The following MTX2 variants were observed in gnomAD, a reference collection of about 807,000 sequenced individuals.
MTX2 encodes metaxin 2, also known as metaxin-2.
A neutral mutation model predicts 42.3 loss-of-function variants in MTX2; 35 were observed. The ratio of observed to expected loss-of-function variants is 0.83; its 90% CI spans 0.63 to 1.10. The LOEUF (loss-of-function observed/expected upper bound fraction) is 1.10, where lower values mean the gene tolerates loss of function less well. MTX2 is among the 50% of genes least tolerant of loss of function. The probability of loss-of-function intolerance (pLI) is 0.00; values close to 1 mark genes in which losing one functional copy is unlikely to be tolerated. For synonymous variants in MTX2, 119 were observed against 100.9 expected, an observed-to-expected ratio of 1.18 and a Z score of -1.08; for missense variants, 307 against 304.1, an observed-to-expected ratio of 1.01 and a Z score of -0.07.
At chr2:176,322,272 T>A (rs1219302792) in intron 3 of MTX2, among the ~76,000 whole-genome samples, 2 of 152,150 alleles carry the variant, frequency 1.3e-5, no homozygotes. Flanking sequence ...TAACACTTAT[T>A]TCTAATGTAG....
chr2:176,272,372 T>C (rs537320755), intron 1 of MTX2, among the ~76,000 whole-genome samples: 9 of 152,310 alleles, frequency 5.9e-5, no homozygotes, highest in African/African-American at 2.2e-4. Flanking sequence ...CAGTTAATAA[T>C]AATGTATTAT....
intron 1 of MTX2, among the ~76,000 whole-genome samples, chr2:176,280,572 A>G (rs1347801035): frequency 6.6e-6 from 1 of 152,152 alleles, no homozygotes; most frequent in Non-Finnish European, 1.5e-5. Flanking sequence ...ATCCACACAC[A>G]TTTGTGTCTT....
At chr2:176,334,972 G>C (rs1684952718) in intron 9 of MTX2, among the ~76,000 whole-genome samples, 1 of 151,834 alleles carries the variant, frequency 6.6e-6, no homozygotes, top group South Asian at 2.1e-4. Context: ...CTAGGTATTG[G>C]GGTTACAGCA....
At chr2:176,337,449 A>C (rs756614460) in intron 9 of MTX2, 44 bp from the exon 10 acceptor site, 1 of 1,486,900 alleles carries the variant, frequency 6.7e-7, no homozygotes, top group Non-Finnish European at 9.1e-7. Flanking sequence ...CTATTGTAAA[A>C]GTTAAATGCT....
intron 1 of MTX2, among the ~76,000 whole-genome samples, chr2:176,272,378 A>G (rs1692837344): frequency 6.6e-6 from 1 of 152,176 alleles, no homozygotes; most frequent in South Asian, 2.1e-4. Flanking sequence ...ATAATAATGT[A>G]TTATATATTT....
At chr2:176,322,858 A>G (rs1445253176) in intron 3 of MTX2, among the ~76,000 whole-genome samples, 1 of 151,892 alleles carries the variant, frequency 6.6e-6, no homozygotes, top group African/African-American at 2.4e-5. Flanking sequence ...ACTATGAGCA[A>G]AGATAAACAA....
intron 3 of MTX2, among the ~76,000 whole-genome samples, chr2:176,319,175 T>A (rs886410504): frequency 6.6e-6 from 1 of 152,234 alleles, no homozygotes; most frequent in Non-Finnish European, 1.5e-5. Flanking sequence ...TACATTTTTC[T>A]TTGACTTCCA....
At chr2:176,318,325 A>G (rs968651122) in intron 3 of MTX2, among the ~76,000 whole-genome samples, 17 of 152,052 alleles carry the variant, frequency 1.1e-4, no homozygotes, top group African/African-American at 3.4e-4. Flanking sequence ...TTTTGATGTT[A>G]TGAATTCAAT....
intron 3 of MTX2, among the ~76,000 whole-genome samples, chr2:176,300,541 G>C (rs1300388701): frequency 6.6e-6 from 1 of 152,068 alleles, no homozygotes; most frequent in Non-Finnish European, 1.5e-5. Context: ...CTAGTCTCGT[G>C]TAGCTAGTGG....
intron 3 of MTX2, among the ~76,000 whole-genome samples, chr2:176,315,891 C>G (rs1684423479): frequency 6.6e-6 from 1 of 152,136 alleles, no homozygotes; most frequent in Non-Finnish European, 1.5e-5. Flanking sequence ...TTAGTGAGGC[C>G]TTATCTGACT....
Position 176,337,722 on chromosome 2 carries a change from C to A in MTX2, c.*58C>A. ...TGAAATATGTTTTACTTGAATGTTA[C>A]ATTAGATATTGGTGTCAGAATTTTA... On this transcript the variant is annotated 3_prime_UTR_variant, in exon 10 of 10. Coordinates refer to ENST00000249442, the MANE Select transcript of MTX2 (RefSeq NM_006554.5). The A allele has an allele frequency of 2.1e-6, 3 of 1,432,542 alleles. No homozygotes were observed. Among genetic ancestry groups the A allele is most frequent in the South Asian group, 1.5e-5 (1 of 64,990 alleles). The allele number at this position is 1,432,542 out of a possible 1,614,324, so 88.7% of individuals were successfully genotyped here.
At chr2:176,327,843 C>A (rs1007702581) in intron 5 of MTX2, among the ~76,000 whole-genome samples, 1 of 150,854 alleles carries the variant, frequency 6.6e-6, no homozygotes, top group African/African-American at 2.4e-5. Context: ...AAGGTTATAT[C>A]ATTTTATGTA....
At chr2:176,310,600 T>G (rs529174041) in intron 3 of MTX2, among the ~76,000 whole-genome samples, 1 of 152,210 alleles carries the variant, frequency 6.6e-6, no homozygotes, top group Non-Finnish European at 1.5e-5. Context: ...TTGTTCCTTT[T>G]GACTCTTTTT....
At chr2:176,329,905 C>T (rs1684816232) in intron 8 of MTX2, among the ~76,000 whole-genome samples, 1 of 148,570 alleles carries the variant, frequency 6.7e-6, no homozygotes, top group African/African-American at 2.5e-5. Flanking sequence ...ATCTATCTGT[C>T]TATCTGTCTA....
At chr2:176,296,142 C>T (rs1464543056) in intron 1 of MTX2, among the ~76,000 whole-genome samples, 1 of 152,142 alleles carries the variant, frequency 6.6e-6, no homozygotes, top group African/African-American at 2.4e-5. Flanking sequence ...TAGCTGCAGT[C>T]TTCTCTGGAT....
intron 3 of MTX2, among the ~76,000 whole-genome samples, chr2:176,299,279 A>G (rs1683967817): frequency 1.3e-5 from 2 of 152,096 alleles, no homozygotes; most frequent in South Asian, 4.1e-4. Context: ...CCAAATGTAA[A>G]TAGATTTGTC....
intron 1 of MTX2, among the ~76,000 whole-genome samples, chr2:176,278,517 T>C (rs1298455816): frequency 6.6e-6 from 1 of 152,208 alleles, no homozygotes; most frequent in Non-Finnish European, 1.5e-5. Context: ...ATTACATGAT[T>C]TTTAGTTTTT....
intron 3 of MTX2, among the ~76,000 whole-genome samples, chr2:176,316,390 T>C (rs188164913): frequency 4.6e-5 from 7 of 152,164 alleles, no homozygotes; most frequent in Non-Finnish European, 8.8e-5. Flanking sequence ...ATTTTATTTA[T>C]TTATTTATTT....
At chr2:176,294,261 G>C (rs1683787352) in intron 1 of MTX2, among the ~76,000 whole-genome samples, 2 of 151,364 alleles carry the variant, frequency 1.3e-5, no homozygotes, top group South Asian at 4.2e-4. Flanking sequence ...GAATCCATGG[G>C]AGTGATGATG....
Sources: allele counts gnomAD v4.1 joint callset (sites outside exome capture counted in the v4.1 genomes callset), GRCh38; gene constraint gnomAD v4.1.1; transcripts MANE v1.5; gene names NCBI Gene and HGNC (gene_info 2026-07-23, HGNC 2026-07-21).